The following GNAQ variants were observed in gnomAD, a reference collection of about 807,000 sequenced individuals.
GNAQ encodes the protein G protein subunit alpha q.
In GNAQ, 8 loss-of-function variants were observed where a neutral mutation model predicts 43.9. The observed-to-expected ratio is 0.18, with a 90% CI of 0.11 to 0.33. GNAQ has a LOEUF of 0.33. Ranked by LOEUF, GNAQ falls within the 10% of genes least tolerant of loss-of-function variation. GNAQ has a pLI of 1.00. For missense variants in GNAQ, 158 were observed against 450.8 expected (o/e 0.35, Z 5.88); for synonymous variants, 155 against 170.7 (o/e 0.91, Z 0.71).
chr9:77,972,710 T>G (rs1024631265), intron 1 of GNAQ, among the ~76,000 whole-genome samples: 8 of 152,062 alleles, frequency 5.3e-5, no homozygotes, highest in Non-Finnish European at 1.0e-4. Context: ...TCACAGCACT[T>G]TGGGAGGCCG....
chr9:77,843,037 G>A (rs1223695647), intron 2 of GNAQ, among the ~76,000 whole-genome samples: 1 of 152,124 alleles, frequency 6.6e-6, no homozygotes, highest in Non-Finnish European at 1.5e-5. Context: ...ACAGACTAAG[G>A]TATGCGTAAT....
intron 2 of GNAQ, among the ~76,000 whole-genome samples, chr9:77,825,236 A>G (rs1011279886): frequency 6.6e-6 from 1 of 152,248 alleles, no homozygotes; most frequent in African/African-American, 2.4e-5. Context: ...GGCCAAAAAG[A>G]TCTGCTGCAA....
chr9:77,977,035 G>A lies in GNAQ; in HGVS notation c.136+54065C>T, dbSNP rs533533615. 1.9e-4 allele frequency among the ~76,000 whole-genome samples: 29 copies of A among 152,222 alleles called. 1 individual carries two copies. The South Asian group carries it at 5.8e-3, about 30-fold the overall frequency. Reference sequence around the variant, plus strand: ...GAGAAATCTGCAGCTACAATTATTAGGCAGGATTTCACACCTGCTGGGAGA... The same window carrying A: ...GAGAAATCTGCAGCTACAATTATTAAGCAGGATTTCACACCTGCTGGGAGA... On this transcript the variant is annotated intron_variant, in intron 1 of 6. Transcript: ENST00000286548.
At chr9:77,972,835 C>T (rs11145641) in intron 1 of GNAQ, among the ~76,000 whole-genome samples, 3 of 151,638 alleles carry the variant, frequency 2.0e-5, no homozygotes, top group Admixed American at 6.6e-5. Flanking sequence ...CACCTGTAAT[C>T]TCAGCTACTC....
chr9:77,863,872 T>C (rs1436263595), intron 2 of GNAQ, among the ~76,000 whole-genome samples: 1 of 152,050 alleles, frequency 6.6e-6, no homozygotes, highest in Non-Finnish European at 1.5e-5. Context: ...ATCACGAGAA[T>C]AGCAAGGGAA....
chr9:77,848,003 T>A (rs1382729497), intron 2 of GNAQ, among the ~76,000 whole-genome samples: 1 of 152,204 alleles, frequency 6.6e-6, no homozygotes, highest in African/African-American at 2.4e-5. Flanking sequence ...AGATGTTAGG[T>A]GATGTAGTCG....
chr9:77,766,058 G>C (rs1380497141), intron 5 of GNAQ, among the ~76,000 whole-genome samples: 2 of 152,202 alleles, frequency 1.3e-5, no homozygotes, highest in African/African-American at 2.4e-5. Flanking sequence ...TAGAATGGTG[G>C]TTGTGGGGGA....
At chr9:77,912,784 T>C (rs1828829786) in intron 2 of GNAQ, among the ~76,000 whole-genome samples, 1 of 152,202 alleles carries the variant, frequency 6.6e-6, no homozygotes, top group South Asian at 2.1e-4. Flanking sequence ...GTGCTCAGGA[T>C]GCTTAGTTAT....
chr9:78,026,881 T>C (rs770902311), intron 1 of GNAQ, among the ~76,000 whole-genome samples: 13 of 152,190 alleles, frequency 8.5e-5, no homozygotes, highest in Non-Finnish European at 1.8e-4. Flanking sequence ...TTAATTATGG[T>C]GGTTTTCCTC....
intron 5 of GNAQ, among the ~76,000 whole-genome samples, chr9:77,775,745 C>T (rs1037722003): frequency 1.3e-5 from 2 of 152,104 alleles, no homozygotes; most frequent in Admixed American, 1.3e-4. Flanking sequence ...TAAAAAGGCA[C>T]TTTCACTCAT....
intron 2 of GNAQ, among the ~76,000 whole-genome samples, chr9:77,853,729 A>G (rs995609143): frequency 2.5e-4 from 31 of 124,732 alleles, no homozygotes; most frequent in African/African-American, 8.7e-4. Context: ...TGTGTGTCCT[A>G]TTATTCCAGC....
intron 2 of GNAQ, among the ~76,000 whole-genome samples, chr9:77,836,871 T>C (rs545619469): frequency 6.6e-6 from 1 of 152,348 alleles, no homozygotes; most frequent in African/African-American, 2.4e-5. Flanking sequence ...ATAACCATCA[T>C]ATACTGAAGA....
intron 2 of GNAQ, among the ~76,000 whole-genome samples, chr9:77,900,757 C>A (rs778031380): frequency 1.3e-5 from 2 of 152,092 alleles, no homozygotes; most frequent in Admixed American, 6.5e-5. Flanking sequence ...CACTTACTTA[C>A]CCTTCTTTCT....
intron 2 of GNAQ, among the ~76,000 whole-genome samples, chr9:77,873,407 A>G (rs188588028): frequency 1.5e-3 from 224 of 152,324 alleles, no homozygotes; most frequent in African/African-American, 5.2e-3. Context: ...TTTTATATTT[A>G]CTTGCAGTGC....
At chr9:77,840,058 C>T (rs1013109618) in intron 2 of GNAQ, among the ~76,000 whole-genome samples, 6 of 152,162 alleles carry the variant, frequency 3.9e-5, no homozygotes, top group African/African-American at 9.7e-5. Context: ...TCTGGGAACC[C>T]GTGCGTTTTC....
At chr9:77,829,181 A>G (rs1240352392) in intron 2 of GNAQ, among the ~76,000 whole-genome samples, 1 of 152,192 alleles carries the variant, frequency 6.6e-6, no homozygotes, top group African/African-American at 2.4e-5. Context: ...TACTAACCCA[A>G]CATATAAGAA....
intron 2 of GNAQ, among the ~76,000 whole-genome samples, chr9:77,899,980 C>A (rs1369541259): frequency 6.6e-6 from 1 of 152,116 alleles, no homozygotes; most frequent in African/African-American, 2.4e-5. Flanking sequence ...AATTTTGTTA[C>A]CTGCTGCCAA....
intron 1 of GNAQ, among the ~76,000 whole-genome samples, chr9:77,923,894 G>A (rs1446215001): frequency 1.3e-5 from 2 of 152,098 alleles, no homozygotes; most frequent in Non-Finnish European, 1.5e-5. Context: ...AATTCATTTT[G>A]TTTTTCTGAT....
At chr9:77,852,305 G>A (rs1012947032) in intron 2 of GNAQ, among the ~76,000 whole-genome samples, 3 of 152,168 alleles carry the variant, frequency 2.0e-5, no homozygotes, top group Admixed American at 6.5e-5. Flanking sequence ...CTGCAGTGAC[G>A]TCCTGACCAC....
Sources: gnomAD v4.1 joint callset for allele counts (sites outside exome capture counted in the v4.1 genomes callset) on GRCh38, gnomAD v4.1.1 for gene constraint, MANE v1.5 for transcripts, NCBI Gene and HGNC (gene_info 2026-07-23, HGNC 2026-07-21) for gene names.